Variants in MFSD11 observed in about 807,000 individuals in gnomAD.
MFSD11 encodes UNC93-like protein MFSD11.
Under a neutral mutation model 53.5 loss-of-function variants are expected in MFSD11, and 36 were observed. The observed-to-expected ratio is 0.67, with a 90% CI of 0.52 to 0.89. The LOEUF is 0.89. Ranked by LOEUF, MFSD11 falls within the 40% of genes least tolerant of loss-of-function variation. The pLI, the probability that MFSD11 is intolerant of heterozygous loss-of-function variation, is 0.00. For synonymous variants in MFSD11, 186 were observed against 184.9 expected (o/e 1.01, Z -0.05); for missense variants, 530 against 543.9 (o/e 0.97, Z 0.25).
the MFSD11 span, among the ~76,000 whole-genome samples, chr17:76,790,718 G>T: frequency 5.1e-3 from 745 of 147,454 alleles, 70 homozygotes; most frequent in African/African-American, 0.017. Flanking sequence ...AGCACTTTGG[G>T]ATCACGAGGT....
At chr17:76,787,668 G>C in the MFSD11 span, among the ~76,000 whole-genome samples, 1 of 149,770 alleles carries the variant, frequency 6.7e-6, no homozygotes, top group Non-Finnish European at 1.5e-5. Context: ...GCAGTGAAAT[G>C]ATTGAAAACC....
intron 8 of MFSD11, among the ~76,000 whole-genome samples, chr17:76,755,813 T>TATATATATATATATATATATATATATA (rs1491559378): frequency 6.6e-5 from 1 of 15,068 alleles, no homozygotes; most frequent in African/African-American, 2.4e-4. Flanking sequence ...TATATATATA[T>TATATATATATATATATATATATATATA]TTTTTTTTTT....
At chr17:76,784,488 G>A (rs1482368543), downstream of MFSD11, among the ~76,000 whole-genome samples, 6 of 151,954 alleles carry the variant, frequency 3.9e-5, no homozygotes, top group African/African-American at 9.7e-5. Flanking sequence ...AGCTGAGATC[G>A]TGCCACTGCA....
At chr17:76,785,887 C>G (rs8072915), downstream of MFSD11, among the ~76,000 whole-genome samples, 728 of 151,882 alleles carry the variant, frequency 4.8e-3, 12 homozygotes, top group African/African-American at 0.017. Flanking sequence ...TTGAGACCAG[C>G]CTGGCCAACG....
At chr17:76,766,396 G>A (rs2080859035) in intron 8 of MFSD11, among the ~76,000 whole-genome samples, 1 of 146,554 alleles carries the variant, frequency 6.8e-6, no homozygotes, top group Non-Finnish European at 1.5e-5. Flanking sequence ...TCCAGCCTGG[G>A]TGACAAAGTG....
the MFSD11 span, among the ~76,000 whole-genome samples, chr17:76,798,535 G>A: frequency 2.0e-5 from 3 of 152,126 alleles, no homozygotes; most frequent in Admixed American, 6.6e-5. Flanking sequence ...CAGTACATGT[G>A]TTATCAGAGA....
intron 7 of MFSD11, among the ~76,000 whole-genome samples, chr17:76,748,588 G>A (rs554386122): frequency 5.0e-4 from 76 of 151,966 alleles, no homozygotes; most frequent in African/African-American, 1.8e-3. Context: ...TTGAGAGGCC[G>A]AGGTAGGGGG....
chr17:76,793,553 A>G, the MFSD11 span, among the ~76,000 whole-genome samples: 13 of 151,328 alleles, frequency 8.6e-5, no homozygotes, highest in African/African-American at 2.9e-4. Flanking sequence ...AGTTAACGCA[A>G]TCATCACGGG....
Position 76,743,409 on chromosome 17 carries a change from G to A in MFSD11, c.449G>A (p.Gly150Glu), listed in dbSNP as rs1568047527. 2 of 1,580,632 alleles carry A rather than the reference G, an allele frequency of 1.3e-6. No homozygotes were observed. The highest frequency in any genetic ancestry group is 1.8e-5 in the Admixed American group (1 of 55,026). The stretch of plus-strand genomic sequence containing the variant: ...TTTTCTTCCCCCAGCTTGTTCTTTG[G>A]AAATCTCTACATATATTTTGCCTGG... The part of the protein sequence containing the change: ...WALLQSSLFF[G>E]NLYIYFAWQG... The change falls in exon 6 of 13, where the codon GGA becomes GAA. Residue 150 changes from glycine to glutamate, a missense_variant. Gly to Glu is a moderately conservative substitution (Grantham distance 98). Coordinates refer to ENST00000685175, the MANE Select transcript of MFSD11 (RefSeq NM_001242532.5).
At chr17:76,793,798 A>G in the MFSD11 span, among the ~76,000 whole-genome samples, 9 of 151,632 alleles carry the variant, frequency 5.9e-5, 1 homozygote, top group African/African-American at 2.0e-4. Context: ...TTCTTCTGCC[A>G]TGGCTTCAGC....
At chr17:76,746,276 T>C (rs2078535637) in intron 7 of MFSD11, among the ~76,000 whole-genome samples, 1 of 152,172 alleles carries the variant, frequency 6.6e-6, no homozygotes, top group African/African-American at 2.4e-5. Flanking sequence ...GAGGAATCTT[T>C]AGAAGAAAAA....
chr17:76,758,488 T>G (rs2079870598), intron 8 of MFSD11, among the ~76,000 whole-genome samples: 1 of 141,892 alleles, frequency 7.0e-6, no homozygotes, highest in Non-Finnish European at 1.5e-5. Context: ...GAGGCTGAGG[T>G]GGAAGGATTG....
At chr17:76,797,183 A>C in the MFSD11 span, among the ~76,000 whole-genome samples, 1 of 151,148 alleles carries the variant, frequency 6.6e-6, no homozygotes, top group Non-Finnish European at 1.5e-5. Flanking sequence ...AAAAAAGAAA[A>C]AAGAAAAAAG....
chr17:76,737,338 G>C (rs2077567849), upstream of MFSD11: 4 of 810,326 alleles, frequency 4.9e-6, no homozygotes, highest in Non-Finnish European at 5.5e-6. Flanking sequence ...AACTGGGCGG[G>C]CAGCCGGCCT....
chr17:76,740,935 C>G, intron 2 of MFSD11, 22 bp from the exon 3 acceptor site: 1 of 1,192,252 alleles, frequency 8.4e-7, no homozygotes. Context: ...TTTTTTTTTC[C>G]GTTTGTGTAT....
chr17:76,777,934 C>T (rs538081970), intron 12 of MFSD11, among the ~76,000 whole-genome samples: 3 of 152,268 alleles, frequency 2.0e-5, no homozygotes, highest in African/African-American at 7.2e-5. Flanking sequence ...CCACCTTGGC[C>T]TCCCAAAGTG....
In MFSD11 at chr17:76,744,342, TTTA is replaced by T. The variant is rs774297098; in HGVS notation, c.520_522del (p.Ile174del). The T allele has an allele frequency of 6.2e-7, 1 of 1,612,294 alleles. No homozygotes were observed. Among genetic ancestry groups the T allele is most frequent in the East Asian group, 2.2e-5 (1 of 44,848 alleles). ...CGTAGAGAGTGACCGAAGAACAGTG[TTTA>T]TTGCCCTAACGGTGATTAGCCTTGT... On this transcript the variant is annotated inframe_deletion, in exon 7 of 13. Transcript: ENST00000685175.
intron 1 of MFSD11, 106 bp from the exon 2 acceptor site, chr17:76,738,832 A>G (rs917736122): frequency 3.5e-6 from 3 of 854,250 alleles, no homozygotes; most frequent in African/African-American, 1.7e-5. Context: ...TAAGTACATT[A>G]TGAACTTTTA....
At chr17:76,783,512 TGTTGGTTG>T (rs1396333992), downstream of MFSD11, among the ~76,000 whole-genome samples, 1 of 152,242 alleles carries the variant, frequency 6.6e-6, no homozygotes, top group South Asian at 2.1e-4. Flanking sequence ...TAGGAGTTTT[TGTTGGTTG>T]GTTGGTTTGT....
Sources: allele counts gnomAD v4.1 joint callset (sites outside exome capture counted in the v4.1 genomes callset), GRCh38; gene constraint gnomAD v4.1.1; transcripts MANE v1.5; gene names NCBI Gene and HGNC (gene_info 2026-07-23, HGNC 2026-07-21).